Variants in MACROD2 observed in about 807,000 individuals in gnomAD.
MACROD2 encodes mono-ADP ribosylhydrolase 2.
A neutral mutation model predicts 70.4 loss-of-function variants in MACROD2; 36 were observed. The observed-to-expected ratio is 0.51, with a 90% CI of 0.39 to 0.68. The LOEUF (loss-of-function observed/expected upper bound fraction) is 0.68, where lower values mean the gene tolerates loss of function less well. Among genes scored for constraint, MACROD2 ranks in the 30% least tolerant of loss-of-function variants. MACROD2 has a pLI of 0.00. For missense variants in MACROD2, 496 were observed against 538.4 expected (o/e 0.92, Z 0.78); for synonymous variants, 172 against 178.8 (o/e 0.96, Z 0.30).
At chr20:15,399,860 A>C (rs1225782905) in intron 6 of MACROD2, among the ~76,000 whole-genome samples, 1 of 152,162 alleles carries the variant, frequency 6.6e-6, no homozygotes, top group Non-Finnish European at 1.5e-5. Flanking sequence ...CAGGAGAAAA[A>C]AGAAAATCTG....
At chr20:15,614,859 A>C (rs1184048846) in intron 8 of MACROD2, among the ~76,000 whole-genome samples, 2 of 152,198 alleles carry the variant, frequency 1.3e-5, no homozygotes, top group African/African-American at 4.8e-5. Flanking sequence ...CCTCTATTCA[A>C]GAGAAAAAAA....
chr20:15,123,591 T>C (rs1363627668), intron 5 of MACROD2, among the ~76,000 whole-genome samples: 4 of 100,726 alleles, frequency 4.0e-5, no homozygotes, highest in Non-Finnish European at 5.9e-5. Flanking sequence ...AAGTAAAGTA[T>C]GTGAAATTCA....
chr20:14,291,140 A>G (rs1037853240), intron 3 of MACROD2, among the ~76,000 whole-genome samples: 1 of 152,224 alleles, frequency 6.6e-6, no homozygotes, highest in African/African-American at 2.4e-5. Context: ...TCATTGATTG[A>G]TTCATTCTCC....
At chr20:14,347,227 C>G (rs2083073060) in intron 3 of MACROD2, among the ~76,000 whole-genome samples, 1 of 152,086 alleles carries the variant, frequency 6.6e-6, no homozygotes, top group African/African-American at 2.4e-5. Context: ...ATTTTGGACT[C>G]TTTATCAGTT....
intron 5 of MACROD2, among the ~76,000 whole-genome samples, chr20:14,863,237 A>G (rs557190993): frequency 1.6e-4 from 24 of 152,166 alleles, no homozygotes; most frequent in African/African-American, 5.1e-4. Context: ...AGTTTTGCCA[A>G]TGCACATATC....
At chr20:15,562,399 AGCAGCTATGATTAGGT>A (rs1484270468) in intron 8 of MACROD2, among the ~76,000 whole-genome samples, 1 of 152,202 alleles carries the variant, frequency 6.6e-6, no homozygotes, top group Non-Finnish European at 1.5e-5. Context: ...ATTTCTTGCC[AGCAGCTATGATTAGGT>A]GCACCTAAGC....
intron 6 of MACROD2, among the ~76,000 whole-genome samples, chr20:15,327,305 A>G (rs1442993872): frequency 1.3e-5 from 2 of 152,150 alleles, no homozygotes; most frequent in Non-Finnish European, 2.9e-5. Flanking sequence ...CTCTCACATG[A>G]TGGTCACGTG....
In MACROD2 at chr20:14,802,042, A is replaced by G. The variant is rs577833952; in HGVS notation, c.418+117083A>G. On this transcript the variant is annotated intron_variant, in intron 5 of 17. Coordinates refer to ENST00000684519, the MANE Select transcript of MACROD2 (RefSeq NM_001351661.2). ...GGAACATAGCAGAATTTAATTATAT[A>G]TGTCTTTATCAAATTACAGAACTTG... Among the ~76,000 whole-genome samples the G allele has an allele frequency of 1.7e-3, 264 of 152,166 alleles. 4 individuals carry two copies. The highest frequency in any genetic ancestry group is 6.0e-3 in the African/African-American group (249 of 41,502).
intron 5 of MACROD2, among the ~76,000 whole-genome samples, chr20:14,949,076 C>T (rs143933805): frequency 6.6e-5 from 10 of 152,226 alleles, no homozygotes; most frequent in South Asian, 2.1e-4. Flanking sequence ...CTTTTCACTT[C>T]GATATCCACT....
chr20:14,527,875 G>A (rs934907424), intron 4 of MACROD2, among the ~76,000 whole-genome samples: 1 of 152,018 alleles, frequency 6.6e-6, no homozygotes, highest in Non-Finnish European at 1.5e-5. Flanking sequence ...TCCACTTAAA[G>A]GTCAATTATT....
At chr20:14,013,826 G>T (rs567175716) in intron 2 of MACROD2, among the ~76,000 whole-genome samples, 66 of 151,952 alleles carry the variant, frequency 4.3e-4, no homozygotes, top group African/African-American at 1.6e-3. Flanking sequence ...GGGGTTACAG[G>T]CGCCTGCCAT....
intron 4 of MACROD2, among the ~76,000 whole-genome samples, chr20:14,603,874 C>T (rs755569606): frequency 2.6e-5 from 4 of 152,088 alleles, no homozygotes; most frequent in Non-Finnish European, 5.9e-5. Context: ...ATTATTCATG[C>T]CTTCCTTGCT....
chr20:16,044,776 C>A, intron 17 of MACROD2, 137 bp downstream of exon 17: 1 of 735,784 alleles, frequency 1.4e-6, no homozygotes, highest in Non-Finnish European at 2.3e-6. Context: ...ATCTTTAAAC[C>A]AAATAACACA....
At chr20:14,428,984 C>A (rs976917487) in intron 3 of MACROD2, among the ~76,000 whole-genome samples, 3 of 152,192 alleles carry the variant, frequency 2.0e-5, no homozygotes, top group African/African-American at 7.2e-5. Flanking sequence ...TGTTCTTGAA[C>A]TTCCCTCTAA....
chr20:14,377,488 C>G lies in MACROD2; in HGVS notation c.272-115991C>G, dbSNP rs76211883. Among the ~76,000 whole-genome samples the G allele has an allele frequency of 4.9e-3, 747 of 152,284 alleles. 8 individuals carry two copies. Among genetic ancestry groups the G allele is most frequent in the African/African-American group, 0.017 (696 of 41,560 alleles). On this transcript the variant is annotated intron_variant, in intron 3 of 17. Coordinates refer to ENST00000684519, the MANE Select transcript of MACROD2 (RefSeq NM_001351661.2). Reference sequence around the variant, plus strand: ...ATCTATCATATAGAATTAATGCAGACTTGAGGATTTTCCTTAGCTTTTTGC... The same window carrying G: ...ATCTATCATATAGAATTAATGCAGAGTTGAGGATTTTCCTTAGCTTTTTGC...
chr20:14,887,282 G>A (rs972006030), intron 5 of MACROD2, among the ~76,000 whole-genome samples: 1 of 152,070 alleles, frequency 6.6e-6, no homozygotes, highest in Admixed American at 6.5e-5. Flanking sequence ...ATCAAGAGCG[G>A]TATAGTGAGT....
chr20:15,594,014 GAC>G lies in MACROD2; in HGVS notation c.645+94171_645+94172del, dbSNP rs202216689. Among the ~76,000 whole-genome samples the G allele has an allele frequency of 9.6e-3, 1,454 of 152,218 alleles. 24 individuals are homozygous for G. Among genetic ancestry groups the G allele is most frequent in the African/African-American group, 0.034 (1,392 of 41,536 alleles). On this transcript the variant is annotated intron_variant, in intron 8 of 17. Coordinates refer to ENST00000684519, the MANE Select transcript of MACROD2 (RefSeq NM_001351661.2). ...ATAGCTGTGGCCTGTGGTGACACAGGACACATATCTATCTGTGTGTTCTTCTG... is the reference window on the plus strand; with the variant it reads ...ATAGCTGTGGCCTGTGGTGACACAGGACATATCTATCTGTGTGTTCTTCTG...
Position 15,386,395 on chromosome 20 carries a change from C to T in MACROD2, c.541-45010C>T, listed in dbSNP as rs1316656757. Among the ~76,000 whole-genome samples the T allele has an allele frequency of 3.9e-5, 6 of 152,286 alleles. No individual in the cohort carries two copies. In the South Asian group the frequency reaches 1.0e-3, roughly 26 times the overall value. ...AAAATAATTTTATATAACCCCTTCA[C>T]TTTAAAGATAAAGAAAGTGAGACCC... On this transcript the variant is annotated intron_variant, in intron 6 of 17. Transcript: ENST00000684519.
chr20:14,227,369 T>G (rs771596735), intron 3 of MACROD2, among the ~76,000 whole-genome samples: 50 of 152,182 alleles, frequency 3.3e-4, no homozygotes, highest in Admixed American at 6.5e-4. Context: ...CTGTTCTCTC[T>G]TTGGGTCCAC....
Sources: allele counts gnomAD v4.1 joint callset (sites outside exome capture counted in the v4.1 genomes callset), GRCh38; gene constraint gnomAD v4.1.1; transcripts MANE v1.5; gene names NCBI Gene and HGNC (gene_info 2026-07-23, HGNC 2026-07-21).